LTBP1: variants seen among roughly 807,000 people sequenced by gnomAD.
The protein encoded by LTBP1 is latent-transforming growth factor beta-binding protein 1.
Under a neutral mutation model 207.6 loss-of-function variants are expected in LTBP1, and 129 were observed. The ratio of observed to expected loss-of-function variants is 0.62; its 90% CI spans 0.54 to 0.72. LTBP1 has a LOEUF of 0.72. Ranked by LOEUF, LTBP1 falls within the 30% of genes least tolerant of loss-of-function variation. The pLI, the probability that LTBP1 is intolerant of heterozygous loss-of-function variation, is 0.00. For missense variants in LTBP1, 2,281 were observed against 2,217.2 expected, an observed-to-expected ratio of 1.03 and a Z score of -0.58; for synonymous variants, 963 against 833.7, an observed-to-expected ratio of 1.16 and a Z score of -2.67.
In LTBP1 at chr2:33,399,207, A is replaced by T. The variant is rs1312103353; in HGVS notation, c.*662A>T. 1.3e-5 allele frequency: 2 copies of T among 152,600 alleles called. No individual in the cohort carries two copies. Among genetic ancestry groups the T allele is most frequent in the East Asian group, 1.9e-4 (1 of 5,192 alleles). The allele number at this position is 152,600 out of a possible 1,614,324, so 9.5% of individuals were successfully genotyped here. On this transcript the variant is annotated 3_prime_UTR_variant, in exon 34 of 34. Transcript: ENST00000404816. The stretch of plus-strand genomic sequence containing the variant: ...CTTAGCCAAGCTGCTAGCAGGTGTT[A>T]ATTGGATCCCTTTCCTTCACTGAAA...
chr2:33,004,975 T>C (rs777363923), intron 2 of LTBP1, among the ~76,000 whole-genome samples: 1 of 152,026 alleles, frequency 6.6e-6, no homozygotes, highest in African/African-American at 2.4e-5. Context: ...TGGAGGCCTA[T>C]GCTGGGTCTT....
At chr2:33,198,766 G>A (rs2088857595) in intron 7 of LTBP1, among the ~76,000 whole-genome samples, 1 of 151,982 alleles carries the variant, frequency 6.6e-6, no homozygotes, top group Non-Finnish European at 1.5e-5. Flanking sequence ...ATTTTTTATT[G>A]CGTCTATTTG....
chr2:33,048,084 A>T (rs529470040), intron 3 of LTBP1, among the ~76,000 whole-genome samples: 58 of 152,322 alleles, frequency 3.8e-4, no homozygotes, highest in African/African-American at 1.3e-3. Context: ...GAGCCGTAGC[A>T]TTGTTGCAGG....
intron 24 of LTBP1, among the ~76,000 whole-genome samples, chr2:33,321,965 A>G (rs1004330699): frequency 6.6e-6 from 1 of 152,182 alleles, no homozygotes; most frequent in Non-Finnish European, 1.5e-5. Context: ...GTGAGTGAAA[A>G]TGAATGTTTA....
At chr2:33,367,081 T>C (rs1346812631) in intron 31 of LTBP1, among the ~76,000 whole-genome samples, 1 of 152,060 alleles carries the variant, frequency 6.6e-6, no homozygotes, top group Non-Finnish European at 1.5e-5. Context: ...TTCTTATATA[T>C]TAATTATCAT....
At chr2:33,250,414 C>T (rs1175771968) in intron 10 of LTBP1, among the ~76,000 whole-genome samples, 2 of 152,180 alleles carry the variant, frequency 1.3e-5, no homozygotes, top group Non-Finnish European at 2.9e-5. Context: ...TAGATAATCA[C>T]ACTTTGAACA....
Position 33,365,253 on chromosome 2 carries a change from G to C in LTBP1, c.4541-80G>C, listed in dbSNP as rs2094971100. On this transcript the variant is annotated intron_variant, in intron 30 of 33. Transcript: ENST00000404816. ...TCTTAGAAATAGAGATGGAAACTTT[G>C]AGACTTGCTGGCTTCCAACACAGTG... 5 of 1,260,144 alleles carry C rather than the reference G, an allele frequency of 4.0e-6. No homozygotes were observed. The Admixed American group carries it at 5.7e-5, about 14-fold the overall frequency. 78.1% of individuals were successfully genotyped at this position (1,260,144 alleles called of 1,614,324 possible).
chr2:33,371,215 G>T (rs1013477044), intron 31 of LTBP1, among the ~76,000 whole-genome samples: 1 of 152,170 alleles, frequency 6.6e-6, no homozygotes. Flanking sequence ...TGCACTAGGA[G>T]GAAGTTCCTG....
chr2:33,272,216 T>G (rs2093336117), intron 15 of LTBP1, among the ~76,000 whole-genome samples: 1 of 152,240 alleles, frequency 6.6e-6, no homozygotes, highest in South Asian at 2.1e-4. Flanking sequence ...GTCATTTCCA[T>G]AGTGAATCTG....
At chr2:33,326,492 T>C (rs1206967181) in intron 24 of LTBP1, among the ~76,000 whole-genome samples, 1 of 146,472 alleles carries the variant, frequency 6.8e-6, no homozygotes, top group Non-Finnish European at 1.5e-5. Flanking sequence ...CATACTTTTA[T>C]TGGATTAAAA....
intron 24 of LTBP1, among the ~76,000 whole-genome samples, chr2:33,341,403 A>G (rs1280228574): frequency 6.6e-6 from 1 of 151,840 alleles, no homozygotes. Context: ...TTTTGAGTTG[A>G]GAAAATAAGT....
chr2:33,076,746 A>G (rs1027662145), intron 3 of LTBP1, among the ~76,000 whole-genome samples: 7 of 152,110 alleles, frequency 4.6e-5, no homozygotes, highest in African/African-American at 1.2e-4. Context: ...CATGTTGGCC[A>G]GGATGGTCTC....
At chr2:33,187,416 C>G (rs1008884195) in intron 6 of LTBP1, among the ~76,000 whole-genome samples, 8 of 152,102 alleles carry the variant, frequency 5.3e-5, no homozygotes, top group Non-Finnish European at 1.2e-4. Context: ...TGTTCTGGCC[C>G]TTACAGCATT....
At chr2:33,064,390 T>C (rs1446044766) in intron 3 of LTBP1, among the ~76,000 whole-genome samples, 3 of 152,190 alleles carry the variant, frequency 2.0e-5, no homozygotes, top group Admixed American at 2.0e-4. Context: ...TCATGGATGC[T>C]GACAGAAGAC....
chr2:33,305,081 G>A (rs187958945), intron 22 of LTBP1, among the ~76,000 whole-genome samples: 3 of 152,098 alleles, frequency 2.0e-5, no homozygotes, highest in South Asian at 2.1e-4. Context: ...TGGGAGTTCC[G>A]AGGCAGGTGG....
rs187778725 is a variant in LTBP1 at position 33,038,805 on chromosome 2, A to C, written c.863+17599A>C. The stretch of plus-strand genomic sequence containing the variant: ...AGACTCAGATGTTCTTTTCCTTGTC[A>C]TTTATGACATGAGAAGTCTTAGGAA... On this transcript the variant is annotated intron_variant, in intron 3 of 33. Coordinates refer to ENST00000404816, the MANE Select transcript of LTBP1 (RefSeq NM_206943.4). Among the ~76,000 whole-genome samples, 5 of 152,294 alleles carry C rather than the reference A, an allele frequency of 3.3e-5. No homozygotes were observed. The East Asian group carries it at 9.7e-4, about 29-fold the overall frequency.
chr2:33,279,971 A>C (rs575478879), intron 18 of LTBP1, 68 bp from the exon 19 acceptor site: 1 of 1,577,728 alleles, frequency 6.3e-7, no homozygotes, highest in African/African-American at 1.4e-5. Flanking sequence ...CGCTGCCTTC[A>C]TCACAAAGTA....
At chr2:33,319,655 G>T (rs944837831) in intron 24 of LTBP1, among the ~76,000 whole-genome samples, 1 of 152,076 alleles carries the variant, frequency 6.6e-6, no homozygotes, top group African/African-American at 2.4e-5. Context: ...GTGTGCCCAG[G>T]CTGAGCAAGG....
At chr2:33,210,980 A>G (rs72858018) in intron 7 of LTBP1, among the ~76,000 whole-genome samples, 1,805 of 152,264 alleles carry the variant, frequency 0.012, 34 homozygotes, top group African/African-American at 0.042. Context: ...AACCTGTATC[A>G]CTTTAACGTT....
Sources: gnomAD v4.1 joint callset for allele counts (sites outside exome capture counted in the v4.1 genomes callset) on GRCh38, gnomAD v4.1.1 for gene constraint, MANE v1.5 for transcripts, NCBI Gene and HGNC (gene_info 2026-07-23, HGNC 2026-07-21) for gene names.